CENPC: variants seen among roughly 807,000 people sequenced by gnomAD.
CENPC encodes the protein CENP-C 1.
Under a neutral mutation model 112.1 loss-of-function variants are expected in CENPC, and 63 were observed. That is an observed-to-expected ratio of 0.56 (90% CI 0.46 to 0.69). CENPC has a LOEUF of 0.69. CENPC is among the 30% of genes least tolerant of loss of function. The pLI, the probability that CENPC is intolerant of heterozygous loss-of-function variation, is 0.00. For missense variants in CENPC, 1,000 were observed against 1,103.8 expected, an observed-to-expected ratio of 0.91 and a Z score of 1.33; for synonymous variants, 333 against 367.6, an observed-to-expected ratio of 0.91 and a Z score of 1.08.
In CENPC at chr4:67,472,500, T is replaced by C. The variant is rs1724694024; in HGVS notation, c.*105A>G. On this transcript the variant is annotated 3_prime_UTR_variant, in exon 19 of 19. Transcript: ENST00000273853. ...TCTACAGAAAACTGAATAAAATTTT[T>C]ATTTTAAAACATCACAAGTAATTAC... The C allele has an allele frequency of 1.6e-6, 2 of 1,245,660 alleles. No homozygotes were observed. The highest frequency in any genetic ancestry group is 1.5e-5 in the African/African-American group (1 of 64,598). 77.2% of individuals were successfully genotyped at this position (1,245,660 alleles called of 1,614,324 possible). A position where few individuals can be genotyped will look rare whatever the true frequency, so the allele number is the denominator to read the frequency against.
At chr4:67,533,940 A>T (rs1578005942) in intron 4 of CENPC, among the ~76,000 whole-genome samples, 1 of 152,192 alleles carries the variant, frequency 6.6e-6, no homozygotes, top group African/African-American at 2.4e-5. Flanking sequence ...CAGGAGGCTG[A>T]GGCAGGAGGA....
rs1218073996 is a variant in CENPC at position 67,472,431 on chromosome 4, A to C, written c.*174T>G. 7 of 831,416 alleles carry C rather than the reference A, an allele frequency of 8.4e-6. No individual in the cohort carries two copies. The highest frequency in any genetic ancestry group is 1.3e-4 in the Admixed American group (2 of 15,662). 51.5% of individuals were successfully genotyped at this position (831,416 alleles called of 1,614,324 possible). A position where few individuals can be genotyped will look rare whatever the true frequency, so the allele number is the denominator to read the frequency against. On this transcript the variant is annotated 3_prime_UTR_variant, in exon 19 of 19. Coordinates refer to ENST00000273853, the MANE Select transcript of CENPC (RefSeq NM_001812.4). ...AAGCTATTATGTACAGTCACTGAAA[A>C]ATCAGAAAAAACATGTGAGTTAGAA...
At chr4:67,505,117 T>A in intron 12 of CENPC, 88 bp downstream of exon 12, 1 of 890,102 alleles carries the variant, frequency 1.1e-6, no homozygotes, top group Non-Finnish European at 1.8e-6. Context: ...ACACTCGCCA[T>A]CAGTGACAAT....
Position 67,470,158 on chromosome 4 carries a change from C to T in CENPC, c.*2447G>A, listed in dbSNP as rs1724616039. ...AAATGTGCAGAGCAAAATTCTGAGA[C>T]ATGACAGAAGCCTATGAGCTGAACA... On this transcript the variant is annotated 3_prime_UTR_variant, in exon 19 of 19. Transcript: ENST00000273853. 1 of 152,198 alleles carries T rather than the reference C, an allele frequency of 6.6e-6. No individual in the cohort carries two copies. Among genetic ancestry groups the T allele is most frequent in the African/African-American group, 2.4e-5 (1 of 41,420 alleles). The allele number at this position is 152,198 out of a possible 1,614,324, so 9.4% of individuals were successfully genotyped here.
At chr4:67,483,259 G>A (rs532848676) in intron 17 of CENPC, among the ~76,000 whole-genome samples, 26 of 152,168 alleles carry the variant, frequency 1.7e-4, no homozygotes, top group Non-Finnish European at 3.5e-4. Context: ...TTGAGAGGCT[G>A]AGGCACGAGA....
intron 12 of CENPC, among the ~76,000 whole-genome samples, chr4:67,501,102 G>A (rs929330120): frequency 6.6e-6 from 1 of 152,184 alleles, no homozygotes; most frequent in Non-Finnish European, 1.5e-5. Context: ...GAGGTCCAGA[G>A]TTTGAGACCA....
chr4:67,482,678 T>C (rs533627459), intron 17 of CENPC, among the ~76,000 whole-genome samples: 3 of 152,222 alleles, frequency 2.0e-5, no homozygotes, highest in East Asian at 3.9e-4. Context: ...TTCTCACTTA[T>C]AAGTGGGAGC....
chr4:67,523,948 C>A (rs1378330824), intron 5 of CENPC, among the ~76,000 whole-genome samples: 1 of 151,730 alleles, frequency 6.6e-6, no homozygotes, highest in Non-Finnish European at 1.5e-5. Context: ...AAATCTGCAA[C>A]AATCTGAATA....
rs186836939 is a variant in CENPC, at chr4:67,474,621, C to T, written c.2761+267G>A. 59 of 336,312 alleles carry T rather than the reference C, an allele frequency of 1.8e-4. No individual in the cohort carries two copies. In the East Asian group the frequency reaches 5.1e-3, roughly 29 times the overall value. The allele number at this position is 336,312 out of a possible 1,614,324, so 20.8% of individuals were successfully genotyped here. A position where few individuals can be genotyped will look rare whatever the true frequency, so the allele number is the denominator to read the frequency against. ...TCTGAGGCACAAGAATCGCTTGAACCCAGGAGGTGGAGGCTACAGTGAGCT... is the reference window on the plus strand; with the variant it reads ...TCTGAGGCACAAGAATCGCTTGAACTCAGGAGGTGGAGGCTACAGTGAGCT... On this transcript the variant is annotated intron_variant, in intron 18 of 18. Transcript: ENST00000273853.
intron 9 of CENPC, among the ~76,000 whole-genome samples, chr4:67,511,701 T>A (rs1419952689): frequency 6.6e-6 from 1 of 151,950 alleles, no homozygotes; most frequent in Non-Finnish European, 1.5e-5. Flanking sequence ...AGAGTACCTA[T>A]GTGACCACCC....
At chr4:67,481,349 A>G (rs1280924761) in intron 17 of CENPC, among the ~76,000 whole-genome samples, 1 of 152,194 alleles carries the variant, frequency 6.6e-6, no homozygotes, top group African/African-American at 2.4e-5. Context: ...TACAAATTCA[A>G]TGCAATTCCC....
chr4:67,475,556 T>A (rs182562569), intron 17 of CENPC, among the ~76,000 whole-genome samples: 3 of 152,308 alleles, frequency 2.0e-5, no homozygotes, highest in Admixed American at 2.0e-4. Flanking sequence ...CTGGTCAAGC[T>A]CATGGTTCTC....
chr4:67,539,847 C>T lies in CENPC; in HGVS notation c.224G>A (p.Ser75Asn), dbSNP rs748424668. The change falls in exon 4 of 19, where the codon AGC becomes AAC. Residue 75 changes from serine (S) to asparagine (N), a missense_variant. Coordinates refer to ENST00000273853, the MANE Select transcript of CENPC (RefSeq NM_001812.4). ...CTCTTCTTTATCACTTACCTCTTTG[C>T]TTGGTGACTGAATACAAGTGTCTTT... The part of the protein sequence containing the change: ...KIKDTCIQSP[S>N]KECQKSHPKS... The T allele has an allele frequency of 1.3e-6, 2 of 1,515,886 alleles. No homozygotes were observed. The highest frequency in any genetic ancestry group is 1.8e-6 in the Non-Finnish European group (2 of 1,125,996). The allele number at this position is 1,515,886 out of a possible 1,614,324, so 93.9% of individuals were successfully genotyped here.
chr4:67,526,724 T>C (rs1726391413), intron 5 of CENPC, among the ~76,000 whole-genome samples: 1 of 151,884 alleles, frequency 6.6e-6, no homozygotes, highest in Admixed American at 6.6e-5. Flanking sequence ...TATAAACCAA[T>C]CTCTCCTTAC....
At chr4:67,491,478 TATAGAGAG>T (rs1157111964) in intron 16 of CENPC, among the ~76,000 whole-genome samples, 101 of 24,936 alleles carry the variant, frequency 4.1e-3, no homozygotes, top group African/African-American at 5.8e-3. Context: ...TATATATATA[TATAGAGAG>T]AGAGAGAGAG....
rs1725811508 is a variant in CENPC, at chr4:67,508,903, A to C, written c.1815T>G (p.Gly605=). 1 of 1,613,568 alleles carries C rather than the reference A, an allele frequency of 6.2e-7. No homozygotes were observed. ...GCGAACATCTGGAAATTTCATCATGACCAACGATACCTCCAGAACCTTCAG... is the reference window on the plus strand; with the variant it reads ...GCGAACATCTGGAAATTTCATCATGCCCAACGATACCTCCAGAACCTTCAG... ...LNAEGSGGIV[G]HDEISRCSLS... The change falls in exon 10 of 19, where the codon GGT becomes GGG. Residue 605 remains glycine, a synonymous_variant. Transcript: ENST00000273853.
At chr4:67,537,121 G>A (rs1296392103) in intron 4 of CENPC, among the ~76,000 whole-genome samples, 1 of 149,742 alleles carries the variant, frequency 6.7e-6, no homozygotes, top group African/African-American at 2.5e-5. Flanking sequence ...TAACAAGACT[G>A]GAAAAAGACA....
In CENPC at chr4:67,471,932, C is replaced by A. The variant is rs1434296629; in HGVS notation, c.*673G>T. 1 of 152,214 alleles carries A rather than the reference C, an allele frequency of 6.6e-6. No individual in the cohort carries two copies. Among genetic ancestry groups the A allele is most frequent in the African/African-American group, 2.4e-5 (1 of 41,450 alleles). The allele number at this position is 152,214 out of a possible 1,614,324, so 9.4% of individuals were successfully genotyped here. ...TACATGTAATATACTAAATAGATGT[C>A]ATGCCAACACAGACACACAAGGTGA... On this transcript the variant is annotated 3_prime_UTR_variant, in exon 19 of 19. Coordinates refer to ENST00000273853, the MANE Select transcript of CENPC (RefSeq NM_001812.4).
chr4:67,516,965 T>G (rs1021958809), intron 7 of CENPC, among the ~76,000 whole-genome samples: 11 of 151,948 alleles, frequency 7.2e-5, no homozygotes, highest in Non-Finnish European at 1.3e-4. Flanking sequence ...CTCACTAGAG[T>G]ATCAAAAAGA....
Sources: allele counts gnomAD v4.1 joint callset (sites outside exome capture counted in the v4.1 genomes callset), GRCh38; gene constraint gnomAD v4.1.1; transcripts MANE v1.5; gene names NCBI Gene and HGNC (gene_info 2026-07-23, HGNC 2026-07-21).